The following ELFN2 variants were observed in gnomAD, a reference collection of about 807,000 sequenced individuals.
The protein encoded by ELFN2 is extracellular leucine rich repeat and fibronectin type III domain containing 2.
A neutral mutation model predicts 45.5 loss-of-function variants in ELFN2; 17 were observed. The observed-to-expected ratio is 0.37, with a 90% CI of 0.26 to 0.56. The LOEUF is 0.56. Ranked by LOEUF, ELFN2 falls within the 20% of genes least tolerant of loss-of-function variation. The pLI is 0.77. For synonymous variants in ELFN2, 550 were observed against 551.5 expected (o/e 1.00, Z 0.04); for missense variants, 922 against 1,183.2 (o/e 0.78, Z 3.24).
At chr22:37,407,576 G>A (rs1017057176) in intron 2 of ELFN2, among the ~76,000 whole-genome samples, 1 of 152,164 alleles carries the variant, frequency 6.6e-6, no homozygotes, top group Non-Finnish European at 1.5e-5. Flanking sequence ...ACCACAGGTA[G>A]GGCTTATGGC....
At chr22:37,381,618 C>G (rs55775045) in intron 2 of ELFN2, among the ~76,000 whole-genome samples, 1 of 152,106 alleles carries the variant, frequency 6.6e-6, no homozygotes. Flanking sequence ...CTGACAGCAG[C>G]CAGCACTACC....
At chr22:37,388,899 T>A (rs969228251) in intron 2 of ELFN2, among the ~76,000 whole-genome samples, 27 of 152,228 alleles carry the variant, frequency 1.8e-4, no homozygotes, top group Admixed American at 5.9e-4. Flanking sequence ...CAAATCCAAC[T>A]GCATTGCCCT....
At chr22:37,405,452 G>C (rs554891683) in intron 2 of ELFN2, among the ~76,000 whole-genome samples, 3 of 152,100 alleles carry the variant, frequency 2.0e-5, no homozygotes, top group South Asian at 2.1e-4. Flanking sequence ...ATGGCTCATG[G>C]GGTCACTGTA....
intron 1 of ELFN2, among the ~76,000 whole-genome samples, chr22:37,424,946 C>CA (rs1569146393): frequency 6.6e-6 from 1 of 151,370 alleles, no homozygotes; most frequent in African/African-American, 2.4e-5. Context: ...CATCAGCACC[C>CA]GCCCCCCACA....
chr22:37,426,334 G>T (rs1932848632), intron 1 of ELFN2, among the ~76,000 whole-genome samples: 1 of 149,062 alleles, frequency 6.7e-6, no homozygotes, highest in South Asian at 2.1e-4. Context: ...CTCCCCGAGT[G>T]TGCATGCACA....
rs78476025 is a variant in ELFN2, at chr22:37,350,574, C to T, written n.149-7871G>A. 2.2e-3 allele frequency among the ~76,000 whole-genome samples: 332 copies of T among 150,866 alleles called. 7 individuals are homozygous for T. The highest frequency in any genetic ancestry group is 7.6e-3 in the African/African-American group (316 of 41,412). ...CCCACCGCAGGGCCCTAGGCCCACC[C>T]GCCAGCTCCTTTCCCCTCCCCGGGC... On this transcript the variant is annotated intron_variant and non_coding_transcript_variant, in intron 1 of 2. Coordinates refer to ENST00000452946, the Ensembl canonical transcript of ELFN2.
intron 2 of ELFN2, among the ~76,000 whole-genome samples, chr22:37,388,569 G>A (rs1024663649): frequency 3.9e-5 from 6 of 152,222 alleles, no homozygotes; most frequent in African/African-American, 1.4e-4. Context: ...CCAGGTCTGT[G>A]ACTCCAGTGC....
Position 37,373,365 on chromosome 22 carries a change from G to C in ELFN2, c.2170C>G (p.Leu724Val), listed in dbSNP as rs1327787381. Reference protein sequence around the residue: ...ALYYEEGADSLSQRVSFLKPL... With the variant: ...ALYYEEGADSVSQRVSFLKPL... ...TTGAGGAAGGACACGCGCTGGCTCAGGCTGTCGGCACCCTCCTCGTAGTAC... is the reference window on the plus strand; with the variant it reads ...TTGAGGAAGGACACGCGCTGGCTCACGCTGTCGGCACCCTCCTCGTAGTAC... Residue 724 changes from leucine to valine, a missense_variant, in exon 3 of 3, where the codon CTG becomes GTG. By Grantham distance (32) the Leu-to-Val change is conservative. Coordinates refer to ENST00000402918, the MANE Select transcript of ELFN2 (RefSeq NM_052906.5). 6.2e-7 allele frequency: 1 copy of C among 1,612,592 alleles called. No individual in the cohort carries two copies. Among genetic ancestry groups the C allele is most frequent in the African/African-American group, 1.3e-5 (1 of 74,934 alleles).
At chr22:37,353,278 G>A (rs1182649206) in intron 1 of ELFN2, 4 of 151,116 alleles carry the variant, frequency 2.6e-5, no homozygotes, top group Admixed American at 2.6e-4. Flanking sequence ...GAGGAGCAGA[G>A]TCCCTCATGG....
exon 3 of ELFN2, chr22:37,340,740 T>A (rs1246898241): frequency 1.3e-5 from 2 of 152,236 alleles, no homozygotes; most frequent in Non-Finnish European, 2.9e-5. Context: ...ATGATTCCCA[T>A]CACACATTCA....
chr22:37,363,863 T>C (rs892298626), downstream of ELFN2, among the ~76,000 whole-genome samples: 1 of 152,028 alleles, frequency 6.6e-6, no homozygotes, highest in African/African-American at 2.4e-5. Context: ...GACCCACAGG[T>C]GCAGGGTTGG....
chr22:37,361,816 C>T (rs1463030834), intron 1 of ELFN2, among the ~76,000 whole-genome samples: 1 of 152,208 alleles, frequency 6.6e-6, no homozygotes, highest in Non-Finnish European at 1.5e-5. Flanking sequence ...GTTTGAATTT[C>T]AAATTCCTGG....
chr22:37,383,777 C>T (rs1197818770), intron 2 of ELFN2, among the ~76,000 whole-genome samples: 1 of 152,232 alleles, frequency 6.6e-6, no homozygotes, highest in East Asian at 1.9e-4. Flanking sequence ...CTCAAAAGAG[C>T]TTAACAAGAA....
At chr22:37,384,552 AC>A (rs1931884433) in intron 2 of ELFN2, among the ~76,000 whole-genome samples, 1 of 5,604 alleles carries the variant, frequency 1.8e-4, no homozygotes, top group Non-Finnish European at 3.7e-4. Flanking sequence ...CCACCTCCCC[AC>A]CCCCCACGAC....
intron 2 of ELFN2, among the ~76,000 whole-genome samples, chr22:37,401,594 T>A (rs976667444): frequency 1.3e-5 from 2 of 152,198 alleles, no homozygotes; most frequent in Non-Finnish European, 2.9e-5. Flanking sequence ...CGGCCCCAGC[T>A]GGACCTGCAG....
chr22:37,396,571 C>T (rs972232683), intron 2 of ELFN2, among the ~76,000 whole-genome samples: 2 of 152,186 alleles, frequency 1.3e-5, no homozygotes, highest in African/African-American at 4.8e-5. Flanking sequence ...CCCTGTCATG[C>T]AGCAGGTGAG....
chr22:37,373,450 G>T lies in ELFN2; in HGVS notation c.2085C>A (p.His695Gln). ...GGGSGGGGGI[H>Q]HLEVKPAYHC... The stretch of plus-strand genomic sequence containing the variant: ...GGTAGGCCGGCTTCACCTCCAGGTG[G>T]TGGATGCCCCCGCCCCCGCCGCTGC... Residue 695 changes from histidine (H) to glutamine (Q), a missense_variant, in exon 3 of 3, where the codon CAC becomes CAA. His to Gln is a conservative substitution (Grantham distance 24, BLOSUM62 0). This residue lies in a region of ELFN2 where 564 missense variants were observed against 642.8 expected (regional missense o/e 0.88). Transcript: ENST00000402918. 6.5e-7 allele frequency: 1 copy of T among 1,540,692 alleles called. No individual in the cohort carries two copies.
chr22:37,424,371 G>A (rs1485077636), intron 1 of ELFN2, among the ~76,000 whole-genome samples: 1 of 152,192 alleles, frequency 6.6e-6, no homozygotes, highest in Admixed American at 6.5e-5. Context: ...AAGACCTCAG[G>A]GGATATTGAG....
intron 2 of ELFN2, among the ~76,000 whole-genome samples, chr22:37,405,375 G>C (rs569104857): frequency 6.6e-6 from 1 of 152,174 alleles, no homozygotes; most frequent in Admixed American, 6.5e-5. Context: ...TTACAGGCAT[G>C]AGCCACCATG....
Sources: gnomAD v4.1 joint callset for allele counts (sites outside exome capture counted in the v4.1 genomes callset) on GRCh38, gnomAD v4.1.1 for gene constraint, gnomAD v4.1.1 regional missense constraint, MANE v1.5 for transcripts, NCBI Gene and HGNC (gene_info 2026-07-23, HGNC 2026-07-21) for gene names.